Variants in TNR observed in about 807,000 individuals in gnomAD.
TNR encodes tenascin-R.
Under a neutral mutation model 150.4 loss-of-function variants are expected in TNR, and 45 were observed. That is an observed-to-expected ratio of 0.30 (90% CI 0.24 to 0.38). The LOEUF is 0.38. Ranked by LOEUF, TNR falls within the 10% of genes least tolerant of loss-of-function variation. The probability of loss-of-function intolerance (pLI) is 1.00; values close to 1 mark genes in which losing one functional copy is unlikely to be tolerated. For synonymous variants in TNR, 687 were observed against 678.4 expected (o/e 1.01, Z -0.20); for missense variants, 1,544 against 1,759.1 (o/e 0.88, Z 2.19).
At chr1:175,593,103 A>G (rs953617528) in intron 1 of TNR, among the ~76,000 whole-genome samples, 2 of 152,202 alleles carry the variant, frequency 1.3e-5, no homozygotes, top group African/African-American at 4.8e-5. Context: ...GAGAATCAAT[A>G]GTGGCAGAAT....
At chr1:175,358,716 T>C (rs1651443951) in intron 15 of TNR, among the ~76,000 whole-genome samples, 1 of 152,224 alleles carries the variant, frequency 6.6e-6, no homozygotes. Flanking sequence ...TCTATTTTGC[T>C]TTGGGCTTCT....
intron 2 of TNR, among the ~76,000 whole-genome samples, chr1:175,525,941 C>G (rs1308067055): frequency 1.3e-5 from 2 of 151,770 alleles, no homozygotes; most frequent in East Asian, 3.9e-4. Flanking sequence ...AAGCAGATAA[C>G]TCGGTTTGTT....
intron 2 of TNR, among the ~76,000 whole-genome samples, chr1:175,437,547 C>T (rs1321218371): frequency 2.6e-5 from 4 of 152,034 alleles, no homozygotes; most frequent in Middle Eastern, 3.4e-3. Context: ...CTGAAGGAAA[C>T]AGAGACACAA....
chr1:175,424,913 C>T (rs1654907648), intron 2 of TNR, among the ~76,000 whole-genome samples: 1 of 151,936 alleles, frequency 6.6e-6, no homozygotes, highest in Non-Finnish European at 1.5e-5. Flanking sequence ...AAATATCAAG[C>T]TGAAGACCCT....
chr1:175,389,844 G>A (rs1653094189), intron 7 of TNR, among the ~76,000 whole-genome samples: 1 of 152,164 alleles, frequency 6.6e-6, no homozygotes, highest in Non-Finnish European at 1.5e-5. Context: ...GCCTTCTGGA[G>A]GGATTCCTAC....
intron 5 of TNR, among the ~76,000 whole-genome samples, chr1:175,395,178 G>A (rs1211053108): frequency 6.6e-6 from 1 of 152,040 alleles, no homozygotes; most frequent in Non-Finnish European, 1.5e-5. Context: ...AAAAGCAAGG[G>A]GACAAGATGA....
intron 1 of TNR, among the ~76,000 whole-genome samples, chr1:175,598,404 C>T (rs952163076): frequency 2.0e-5 from 3 of 152,196 alleles, no homozygotes; most frequent in African/African-American, 7.2e-5. Context: ...CAAATCAACT[C>T]ACCAAGATTA....
chr1:175,558,134 A>C (rs1348474744), intron 1 of TNR, among the ~76,000 whole-genome samples: 2 of 98,924 alleles, frequency 2.0e-5, no homozygotes, highest in Non-Finnish European at 2.0e-5. Context: ...GGGTGGGGGG[A>C]GGGGGGAGGG....
intron 14 of TNR, 76 bp from the exon 15 acceptor site, chr1:175,359,807 C>G: frequency 6.6e-7 from 1 of 1,525,714 alleles, no homozygotes; most frequent in Non-Finnish European, 8.8e-7. Context: ...CTCAGAAGTT[C>G]CACTCATGGT....
intron 1 of TNR, among the ~76,000 whole-genome samples, chr1:175,583,865 G>T (rs1662464441): frequency 6.6e-6 from 1 of 152,200 alleles, no homozygotes; most frequent in Admixed American, 6.5e-5. Flanking sequence ...AATATGTGCT[G>T]TAGAGAACTG....
chr1:175,382,070 T>C (rs141800565), intron 8 of TNR, among the ~76,000 whole-genome samples: 4 of 152,360 alleles, frequency 2.6e-5, no homozygotes, highest in Non-Finnish European at 5.9e-5. Context: ...AACCGCTTGA[T>C]CCAACATGGC....
chr1:175,616,120 G>T (rs556746513), intron 1 of TNR, among the ~76,000 whole-genome samples: 50 of 152,286 alleles, frequency 3.3e-4, no homozygotes, highest in African/African-American at 1.2e-3. Context: ...GGCCAAATAG[G>T]CTTCCAGGTC....
intron 2 of TNR, among the ~76,000 whole-genome samples, chr1:175,415,571 C>T (rs1193140100): frequency 6.6e-6 from 1 of 152,150 alleles, no homozygotes; most frequent in Non-Finnish European, 1.5e-5. Flanking sequence ...GTCTTTGGTT[C>T]AGAACCTAAT....
In TNR at chr1:175,735,577, TTG is replaced by T. The variant is rs568473649; in HGVS notation, c.-165+7647_-165+7648del. ...GGCAGCAGCTTCTGTCCCGATGCAC[TTG>T]TGGAGATAAATTCAAAGTAATCTAT... On this transcript the variant is annotated intron_variant, in intron 1 of 22. Coordinates refer to ENST00000367674, the MANE Select transcript of TNR (RefSeq NM_003285.3). Among the ~76,000 whole-genome samples the T allele has an allele frequency of 1.9e-3, 289 of 152,342 alleles. 2 individuals are homozygous for T. Among genetic ancestry groups the T allele is most frequent in the Non-Finnish European group, 5.4e-4 (37 of 68,032 alleles).
intron 1 of TNR, among the ~76,000 whole-genome samples, chr1:175,564,656 T>C (rs1661566870): frequency 6.6e-6 from 1 of 151,136 alleles, no homozygotes; most frequent in African/African-American, 2.4e-5. Flanking sequence ...TGAAATTAAA[T>C]GTTTATTTGG....
chr1:175,579,407 A>G (rs1399763350), intron 1 of TNR, among the ~76,000 whole-genome samples: 1 of 152,092 alleles, frequency 6.6e-6, no homozygotes, highest in Admixed American at 6.6e-5. Context: ...AGGGGCTTGA[A>G]GTATGAGCAG....
At position 175,462,927 on chromosome 1, in the gene TNR, C is replaced by T. The variant is rs1571475773; in HGVS notation, c.-63-56150G>A. ...GAGATCTTTTTTGGTTAATAATCTG[C>T]CTTGCCAATAAGATACTTTTTATCC... On this transcript the variant is annotated intron_variant, in intron 2 of 22. Coordinates refer to ENST00000367674, the MANE Select transcript of TNR (RefSeq NM_003285.3). Among the ~76,000 whole-genome samples, 4 of 152,066 alleles carry T rather than the reference C, an allele frequency of 2.6e-5. No homozygotes were observed. The South Asian group carries it at 8.3e-4, about 32-fold the overall frequency.
chr1:175,390,011 G>A (rs982211965), intron 7 of TNR, among the ~76,000 whole-genome samples: 1 of 152,202 alleles, frequency 6.6e-6, no homozygotes, highest in South Asian at 2.1e-4. Flanking sequence ...AAGTGGAGCT[G>A]TCCTGGTTGG....
At chr1:175,726,485 T>C (rs1667483631) in intron 1 of TNR, among the ~76,000 whole-genome samples, 1 of 152,252 alleles carries the variant, frequency 6.6e-6, no homozygotes, top group Non-Finnish European at 1.5e-5. Flanking sequence ...ACTCCTAAGG[T>C]ACCTGTAGTC....
Sources: gnomAD v4.1 joint callset for allele counts (sites outside exome capture counted in the v4.1 genomes callset) on GRCh38, gnomAD v4.1.1 for gene constraint, MANE v1.5 for transcripts, NCBI Gene and HGNC (gene_info 2026-07-23, HGNC 2026-07-21) for gene names.